The following RP1 variants were observed in gnomAD, a reference collection of about 807,000 sequenced individuals.
RP1 encodes the protein RP1 axonemal microtubule associated.
RP1 carries 16 observed loss-of-function variants against 14.8 expected under a neutral mutation model. The observed-to-expected ratio is 1.08, with a 90% CI of 0.73 to 1.65. RP1 has a LOEUF of 1.65. Ranked by LOEUF, RP1 falls within the 40% of genes most tolerant of loss-of-function variation. The pLI is 0.00. For synonymous variants in RP1, 876 were observed against 883.6 expected (o/e 0.99, Z 0.15); for missense variants, 2,631 against 2,535.0 (o/e 1.04, Z -0.81).
intron 1 of RP1, among the ~76,000 whole-genome samples, chr8:54,600,539 T>A (rs1448329635): frequency 6.6e-6 from 1 of 151,708 alleles, no homozygotes; most frequent in East Asian, 1.9e-4. Flanking sequence ...TAAGAGGGAG[T>A]GTGGTGGCTT....
chr8:54,840,312 G>A (rs79601007), intron 25 of RP1, among the ~76,000 whole-genome samples: 2,996 of 151,864 alleles, frequency 0.02, 189 homozygotes, highest in East Asian at 0.16. Flanking sequence ...GAGTGCAGTG[G>A]CATGATCTCG....
chr8:54,595,182 T>C (rs1349033110), intron 1 of RP1, among the ~76,000 whole-genome samples: 3 of 150,546 alleles, frequency 2.0e-5, no homozygotes, highest in East Asian at 2.0e-4. Context: ...CAGGGTGGAG[T>C]GCAGTCGCGC....
chr8:54,694,247 C>T (rs1223906758), intron 12 of RP1, among the ~76,000 whole-genome samples: 1 of 152,138 alleles, frequency 6.6e-6, no homozygotes, highest in Non-Finnish European at 1.5e-5. Context: ...ATTTTTGCAT[C>T]AACGTTCATC....
At chr8:54,722,672 AGCTG>A (rs1808565224) in intron 16 of RP1, among the ~76,000 whole-genome samples, 2 of 152,152 alleles carry the variant, frequency 1.3e-5, no homozygotes, top group African/African-American at 4.8e-5. Context: ...GAAAAAGTTA[AGCTG>A]AAACTTTTTT....
intron 1 of RP1, among the ~76,000 whole-genome samples, chr8:54,619,253 A>T (rs1271263534): frequency 6.6e-6 from 1 of 152,174 alleles, no homozygotes; most frequent in African/African-American, 2.4e-5. Flanking sequence ...TTTCTAAGTT[A>T]CATTTAAATA....
chr8:54,682,861 G>T (rs1053750755), intron 12 of RP1, among the ~76,000 whole-genome samples: 1 of 151,986 alleles, frequency 6.6e-6, no homozygotes, highest in Non-Finnish European at 1.5e-5. Flanking sequence ...TAATTTTGTT[G>T]CCATTGCTTT....
intron 1 of RP1, among the ~76,000 whole-genome samples, chr8:54,570,756 T>C (rs1444141408): frequency 6.6e-6 from 1 of 152,164 alleles, no homozygotes; most frequent in Non-Finnish European, 1.5e-5. Flanking sequence ...TGTTTCACAT[T>C]AAATAATACA....
At chr8:54,808,734 T>A (rs1430550113) in intron 24 of RP1, among the ~76,000 whole-genome samples, 1 of 152,212 alleles carries the variant, frequency 6.6e-6, no homozygotes, top group Non-Finnish European at 1.5e-5. Flanking sequence ...ACGGGTATAA[T>A]CTCATAAAAT....
At chr8:54,602,371 C>CT (rs1169712914) in intron 1 of RP1, among the ~76,000 whole-genome samples, 4 of 152,120 alleles carry the variant, frequency 2.6e-5, no homozygotes, top group African/African-American at 9.7e-5. Flanking sequence ...TGAACTCATC[C>CT]TTTTTTATGG....
intron 24 of RP1, among the ~76,000 whole-genome samples, chr8:54,823,843 G>A (rs1244506284): frequency 6.6e-6 from 1 of 152,168 alleles, no homozygotes; most frequent in Non-Finnish European, 1.5e-5. Context: ...AGGTTGTATG[G>A]TAGTGTATTA....
At chr8:54,673,990 G>T (rs1342590046) in intron 8 of RP1, 15 of 1,287,718 alleles carry the variant, frequency 1.2e-5, no homozygotes, top group African/African-American at 1.5e-5. Flanking sequence ...ATGAAACTCT[G>T]TTCAAATCTA....
chr8:54,823,431 A>G (rs1811305831), intron 24 of RP1, among the ~76,000 whole-genome samples: 1 of 152,062 alleles, frequency 6.6e-6, no homozygotes, highest in Non-Finnish European at 1.5e-5. Context: ...CCCAGGTTTA[A>G]GCAATTCTTG....
Position 54,734,296 on chromosome 8 carries a change from G to C in RP1, c.2522-249G>C, listed in dbSNP as rs1197242957. On this transcript the variant is annotated intron_variant, in intron 17 of 22. Coordinates refer to the RP1 transcript ENST00000636932. ...GCTATAGCATTGAGGATAAGTGAAAGATTGCCATGTAGGTCAGATGTTTAT... is the reference window on the plus strand; with the variant it reads ...GCTATAGCATTGAGGATAAGTGAAACATTGCCATGTAGGTCAGATGTTTAT... Among the ~76,000 whole-genome samples, 7 of 152,120 alleles carry C rather than the reference G, an allele frequency of 4.6e-5. No individual in the cohort carries two copies. The East Asian group carries it at 1.4e-3, about 29-fold the overall frequency.
intron 1 of RP1, among the ~76,000 whole-genome samples, chr8:54,618,639 A>G (rs1367933456): frequency 6.6e-6 from 1 of 152,156 alleles, no homozygotes; most frequent in Non-Finnish European, 1.5e-5. Flanking sequence ...ACAGAGTTCT[A>G]AAGTCTTACT....
chr8:54,722,168 G>A (rs192493927), intron 16 of RP1, among the ~76,000 whole-genome samples: 42 of 151,404 alleles, frequency 2.8e-4, no homozygotes, highest in African/African-American at 9.9e-4. Context: ...TGAGGCGGAG[G>A]GTGCAGTGAG....
chr8:54,819,000 G>T (rs1811195788), intron 24 of RP1, among the ~76,000 whole-genome samples: 1 of 152,000 alleles, frequency 6.6e-6, no homozygotes, highest in Non-Finnish European at 1.5e-5. Flanking sequence ...AGAGGAGGGG[G>T]AGGTGAAATG....
intron 14 of RP1, among the ~76,000 whole-genome samples, chr8:54,704,526 T>C (rs1415850518): frequency 6.6e-6 from 1 of 152,220 alleles, no homozygotes; most frequent in African/African-American, 2.4e-5. Flanking sequence ...AATATTGTGA[T>C]AATTACCAAA....
In RP1 at chr8:54,629,993, G is replaced by T; in HGVS notation, c.6111G>T (p.Leu2037Phe). ...DLKERFCMNF[L>F]HTSLLVVGNV... ...AGGAAAGGTTTTGTATGAATTTCTT[G>T]CACACATCATTGTTAGTTGTGGGTA... Residue 2037 changes from leucine (L) to phenylalanine (F), a missense_variant, in exon 4 of 4, where the codon TTG becomes TTT. Coordinates refer to ENST00000220676, the MANE Select transcript of RP1 (RefSeq NM_006269.2). The T allele has an allele frequency of 6.2e-7, 1 of 1,614,034 alleles. No individual in the cohort carries two copies. The highest frequency in any genetic ancestry group is 8.5e-7 in the Non-Finnish European group (1 of 1,179,976).
At chr8:54,617,914 A>G (rs765606053) in intron 1 of RP1, among the ~76,000 whole-genome samples, 2 of 152,230 alleles carry the variant, frequency 1.3e-5, no homozygotes, top group Non-Finnish European at 2.9e-5. Flanking sequence ...TTATTCAACA[A>G]TAATACCTAA....
Sources: allele counts gnomAD v4.1 joint callset (sites outside exome capture counted in the v4.1 genomes callset), GRCh38; gene constraint gnomAD v4.1.1; transcripts MANE v1.5; gene names NCBI Gene and HGNC (gene_info 2026-07-23, HGNC 2026-07-21).